The following PCDHGA5 variants were observed in gnomAD, a reference collection of about 807,000 sequenced individuals.
PCDHGA5 encodes the protein protocadherin gamma-A5.
A neutral mutation model predicts 56.7 loss-of-function variants in PCDHGA5; 36 were observed. The ratio of observed to expected loss-of-function variants is 0.64; its 90% CI spans 0.49 to 0.84. The LOEUF is 0.84. PCDHGA5 is among the 40% of genes least tolerant of loss of function. The probability of loss-of-function intolerance (pLI) is 0.00; values close to 1 mark genes in which losing one functional copy is unlikely to be tolerated. For synonymous variants in PCDHGA5, 563 were observed against 520.2 expected, an observed-to-expected ratio of 1.08 and a Z score of -1.12; for missense variants, 1,305 against 1,201.5, an observed-to-expected ratio of 1.09 and a Z score of -1.27.
Position 141,491,739 on chromosome 5 carries a change from C to A in PCDHGA5, c.2422-3068C>A, listed in dbSNP as rs372183034. ...CGCCGCCCCGGGCGACCCCTGGGGG[C>A]GGCACTGGAGAAGCCGCCCGTCCTC... On this transcript the variant is annotated intron_variant, in intron 1 of 3. Transcript: ENST00000518069. The surrounding 1 kb of genome is among the most constrained non-coding windows in gnomAD (Gnocchi z 6.9). 2 of 1,598,886 alleles carry A rather than the reference C, an allele frequency of 1.3e-6. No individual in the cohort carries two copies. The highest frequency in any genetic ancestry group is 1.3e-5 in the African/African-American group (1 of 74,290).
intron 1 of PCDHGA5, chr5:141,427,758 A>T: frequency 7.4e-7 from 1 of 1,345,378 alleles, no homozygotes; most frequent in Non-Finnish European, 1.1e-6. Context: ...CATCGTTACC[A>T]CTGACTTGGA....
chr5:141,404,934 C>G, intron 1 of PCDHGA5: 1 of 1,613,986 alleles, frequency 6.2e-7, no homozygotes. Context: ...GTCACGCTCA[C>G]AGTAGCCATA....
At chr5:141,475,760 C>T (rs1480762060) in intron 1 of PCDHGA5, among the ~76,000 whole-genome samples, 1 of 152,286 alleles carries the variant, frequency 6.6e-6, no homozygotes, top group Non-Finnish European at 1.5e-5. Flanking sequence ...TGCACCGATA[C>T]TGGCAAGGCG....
At chr5:141,434,265 GA>G (rs2097683598) in intron 1 of PCDHGA5, among the ~76,000 whole-genome samples, 1 of 152,186 alleles carries the variant, frequency 6.6e-6, no homozygotes, top group South Asian at 2.1e-4. Context: ...GGGGGAGGTG[GA>G]AATTAGAGGT....
chr5:141,467,672 AT>A (rs1199631144), intron 1 of PCDHGA5, among the ~76,000 whole-genome samples: 1 of 151,634 alleles, frequency 6.6e-6, no homozygotes, highest in Non-Finnish European at 1.5e-5. Context: ...GAAGATTTTT[AT>A]TTTTTTTAGA....
At chr5:141,413,198 C>T in intron 1 of PCDHGA5, 5 of 1,611,416 alleles carry the variant, frequency 3.1e-6, no homozygotes, top group Non-Finnish European at 2.5e-6. Flanking sequence ...AGGAATCGCT[C>T]AAAGGAATCA....
At chr5:141,368,381 A>G (rs1377109845) in intron 1 of PCDHGA5, among the ~76,000 whole-genome samples, 2 of 152,154 alleles carry the variant, frequency 1.3e-5, no homozygotes, top group East Asian at 3.8e-4. Context: ...ATATACACAC[A>G]TACACACACA....
rs1217431580 is a variant in PCDHGA5 at position 141,366,227 on chromosome 5, C to G, written c.1897C>G (p.Leu633Val). The change falls in exon 1 of 4, where the codon CTG becomes GTG. Residue 633 changes from leucine (L) to valine (V), a missense_variant. Leu to Val is a conservative substitution (Grantham distance 32, BLOSUM62 1). Coordinates refer to ENST00000518069, the MANE Select transcript of PCDHGA5 (RefSeq NM_018918.3). ...CGAGGTGCGCACAGCGCGAGCCCTG[C>G]TGGACAGAGACGCGCTCAAGCAGAG... is the stretch of plus-strand genomic sequence containing the variant. ...TGEVRTARAL[L>V]DRDALKQSLV... is the part of the protein sequence containing the mutation. 1 of 1,613,816 alleles carries G rather than the reference C, an allele frequency of 6.2e-7. No individual in the cohort carries two copies. The highest frequency in any genetic ancestry group is 1.1e-5 in the South Asian group (1 of 91,086).
chr5:141,430,952 C>T, intron 1 of PCDHGA5: 2 of 1,610,382 alleles, frequency 1.2e-6, no homozygotes, highest in Non-Finnish European at 1.7e-6. Flanking sequence ...GCGCGGAGTC[C>T]GCATCATCCC....
chr5:141,403,006 G>T, intron 1 of PCDHGA5: 3 of 1,614,006 alleles, frequency 1.9e-6, no homozygotes, highest in African/African-American at 1.3e-5. Context: ...TGCTATGCTC[G>T]CTCCTGGGGA....
At chr5:141,504,450 T>C (rs931613781) in intron 2 of PCDHGA5, among the ~76,000 whole-genome samples, 1 of 151,918 alleles carries the variant, frequency 6.6e-6, no homozygotes, top group Non-Finnish European at 1.5e-5. Context: ...ACTAGTGCCA[T>C]GTGGGGCAGC....
chr5:141,370,887 A>G, intron 1 of PCDHGA5: 1 of 1,614,024 alleles, frequency 6.2e-7, no homozygotes, highest in South Asian at 1.1e-5. Context: ...TGTAGGTGTC[A>G]ATTCGCTGCA....
chr5:141,479,838 C>T (rs539142918), intron 1 of PCDHGA5, among the ~76,000 whole-genome samples: 1 of 152,298 alleles, frequency 6.6e-6, no homozygotes, highest in African/African-American at 2.4e-5. Context: ...GGTATCCATG[C>T]AAGGTGACTG....
intron 1 of PCDHGA5, chr5:141,405,168 A>G: frequency 1.2e-6 from 2 of 1,613,960 alleles, no homozygotes. Flanking sequence ...CCCACCTCAC[A>G]CTTTGTGGGT....
chr5:141,422,576 C>G (rs778942661), intron 1 of PCDHGA5: 1 of 1,614,034 alleles, frequency 6.2e-7, no homozygotes, highest in South Asian at 1.1e-5. Context: ...AACGATAACC[C>G]TCCCGTTTTT....
chr5:141,364,502 G>A lies in PCDHGA5; in HGVS notation c.172G>A (p.Glu58Lys), dbSNP rs781499695. 1.2e-6 allele frequency: 2 copies of A among 1,614,026 alleles called. No individual in the cohort carries two copies. The highest frequency in any genetic ancestry group is 1.7e-6 in the Non-Finnish European group (2 of 1,179,898). Residue 58 changes from glutamate to lysine, a missense_variant, in exon 1 of 4, where the codon GAG becomes AAG. Physicochemically the swap from Glu to Lys is moderately conservative, Grantham distance 56. Coordinates refer to ENST00000518069, the MANE Select transcript of PCDHGA5 (RefSeq NM_018918.3). ...IAKDLGLEPQ[E>K]LAERGVRIVS... ...CAAGGACCTTGGGCTGGAGCCCCAG[G>A]AGCTGGCGGAGCGCGGAGTCCGCAT...
intron 1 of PCDHGA5, chr5:141,421,835 G>A (rs755889809): frequency 5.6e-6 from 9 of 1,613,746 alleles, no homozygotes; most frequent in Non-Finnish European, 6.8e-6. Context: ...AGCCTGGACC[G>A]AGAGAAAGAG....
intron 1 of PCDHGA5, among the ~76,000 whole-genome samples, chr5:141,386,359 C>A (rs566341507): frequency 6.6e-6 from 1 of 152,014 alleles, no homozygotes; most frequent in African/African-American, 2.4e-5. Flanking sequence ...AATCTTGATT[C>A]CAGAGACCTT....
intron 1 of PCDHGA5, chr5:141,418,042 G>A: frequency 6.2e-7 from 1 of 1,614,014 alleles, no homozygotes; most frequent in South Asian, 1.1e-5. Context: ...TCCTGGATGT[G>A]TCGGCTCGCG....
Sources: gnomAD v4.1 joint callset for allele counts (sites outside exome capture counted in the v4.1 genomes callset) on GRCh38, gnomAD v4.1.1 for gene constraint, Gnocchi (gnomAD v3.1) non-coding constraint, MANE v1.5 for transcripts, NCBI Gene and HGNC (gene_info 2026-07-23, HGNC 2026-07-21) for gene names.